Variants in ZNF573 observed in about 807,000 individuals in gnomAD.
ZNF573 encodes the protein zinc finger protein 573.
Under a neutral mutation model 57.4 loss-of-function variants are expected in ZNF573, and 41 were observed. The ratio of observed to expected loss-of-function variants is 0.71; its 90% confidence interval spans 0.56 to 0.93. The LOEUF is 0.93. Ranked by LOEUF, ZNF573 falls within the 40% of genes least tolerant of loss-of-function variation. The probability of loss-of-function intolerance (pLI) is 0.00; values close to 1 mark genes in which losing one functional copy is unlikely to be tolerated. For missense variants in ZNF573, 730 were observed against 794.8 expected, an observed-to-expected ratio of 0.92 and a Z score of 0.98; for synonymous variants, 249 against 261.0, an observed-to-expected ratio of 0.95 and a Z score of 0.44.
intron 1 of ZNF573, among the ~76,000 whole-genome samples, chr19:37,778,928 C>T (rs1431995184): frequency 6.6e-6 from 1 of 152,150 alleles, no homozygotes; most frequent in East Asian, 1.9e-4. Context: ...AGGTAGCTCG[C>T]TCTCAGAGCT....
chr19:37,748,220 C>T (rs1220705183), intron 4 of ZNF573, among the ~76,000 whole-genome samples: 2 of 152,196 alleles, frequency 1.3e-5, no homozygotes, highest in South Asian at 4.1e-4. Flanking sequence ...TATGGAAAAA[C>T]TGGTGAAATC....
At chr19:37,773,480 T>C (rs2045677663) in intron 2 of ZNF573, among the ~76,000 whole-genome samples, 181 bp downstream of exon 2, 1 of 152,210 alleles carries the variant, frequency 6.6e-6, no homozygotes, top group Admixed American at 6.5e-5. Context: ...AATATAAAAG[T>C]GGACAGAAAA....
At chr19:37,763,288 G>C (rs1457815359) in intron 4 of ZNF573, among the ~76,000 whole-genome samples, 4 of 151,572 alleles carry the variant, frequency 2.6e-5, no homozygotes, top group Admixed American at 2.6e-4. Context: ...CTTAGGTTAA[G>C]AGTAAATATC....
At chr19:37,768,022 C>T (rs1279113784) in intron 4 of ZNF573, among the ~76,000 whole-genome samples, 3 of 152,050 alleles carry the variant, frequency 2.0e-5, no homozygotes, top group African/African-American at 7.2e-5. Context: ...TTTAGAAATA[C>T]TGCTTGGAGG....
At chr19:37,746,061 AG>A (rs1357652547) in intron 4 of ZNF573, among the ~76,000 whole-genome samples, 5 of 152,344 alleles carry the variant, frequency 3.3e-5, no homozygotes, top group Non-Finnish European at 7.3e-5. Context: ...TAGAGTATGT[AG>A]TCTGACCACA....
Position 37,739,121 on chromosome 19 carries a change from G to A in ZNF573, c.1369C>T (p.Leu457Phe). The A allele has an allele frequency of 6.2e-7, 1 of 1,613,552 alleles. No individual in the cohort carries two copies. Among genetic ancestry groups the A allele is most frequent in the Non-Finnish European group, 8.5e-7 (1 of 1,179,880 alleles). Residue 457 changes from leucine to phenylalanine, a missense_variant, in exon 5 of 5, where the codon CTT (leucine) becomes TTT (phenylalanine). Physicochemically the swap from Leu to Phe is conservative, Grantham distance 22. Transcript: ENST00000536220. Reference sequence around the variant, plus strand: ...GTGTGAATATTCTGATGTCGAGTAAGATTTCTATACAAAGTAAAGGTTTTT... The same window carrying A: ...GTGTGAATATTCTGATGTCGAGTAAAATTTCTATACAAAGTAAAGGTTTTT... ...CKKTFTLYRNLTRHQNIHTGK... is the reference protein window; with the variant it reads ...CKKTFTLYRNFTRHQNIHTGK...
intron 2 of ZNF573, among the ~76,000 whole-genome samples, chr19:37,772,683 G>A (rs1049657422): frequency 6.6e-6 from 1 of 151,042 alleles, no homozygotes; most frequent in African/African-American, 2.4e-5. Flanking sequence ...GCCCAGGCTG[G>A]AGTGCAGTGA....
chr19:37,758,202 AATATATATATATATATAT>A (rs550290940), intron 4 of ZNF573, among the ~76,000 whole-genome samples: 61 of 17,164 alleles, frequency 3.6e-3, no homozygotes, highest in African/African-American at 8.2e-3. Flanking sequence ...AGTATAATAA[AATATATATATATATATAT>A]ATATATATAT....
At chr19:37,761,661 G>A (rs760882633) in intron 4 of ZNF573, among the ~76,000 whole-genome samples, 1 of 152,194 alleles carries the variant, frequency 6.6e-6, no homozygotes, top group Non-Finnish European at 1.5e-5. Flanking sequence ...TGTTCTGAGA[G>A]GCCAAGAAGA....
At chr19:37,743,056 T>A (rs1490052174) in intron 4 of ZNF573, among the ~76,000 whole-genome samples, 1 of 152,094 alleles carries the variant, frequency 6.6e-6, no homozygotes, top group Non-Finnish European at 1.5e-5. Context: ...CGGTGGCTCA[T>A]GCCTGTAATC....
rs903671989 is a variant in ZNF573, at chr19:37,773,742, G to T, written c.-13C>A. On this transcript the variant is annotated 5_prime_UTR_variant, in exon 2 of 5. Coordinates refer to ENST00000536220, the MANE Select transcript of ZNF573 (RefSeq NM_001172690.2). ...ATACTGGAAACATTCAAACTCCAGA[G>T]AATCCAGAGCTGAGAGAAGAAAAGA... 1 of 1,531,998 alleles carries T rather than the reference G, an allele frequency of 6.5e-7. No homozygotes were observed. The allele number at this position is 1,531,998 out of a possible 1,614,324, so 94.9% of individuals were successfully genotyped here.
chr19:37,770,323 C>G (rs920495752), intron 3 of ZNF573: 1 of 395,064 alleles, frequency 2.5e-6, no homozygotes, highest in African/African-American at 2.1e-5. Flanking sequence ...TGTCTCTTTC[C>G]AAATATTACC....
intron 4 of ZNF573, among the ~76,000 whole-genome samples, chr19:37,740,895 C>T (rs1324704359): frequency 1.3e-5 from 2 of 152,168 alleles, no homozygotes; most frequent in African/African-American, 4.8e-5. Context: ...ACTTACAATA[C>T]CCAATACAAT....
intron 4 of ZNF573, among the ~76,000 whole-genome samples, chr19:37,758,205 ATATATATATATATATATATATATATAT>A (rs2045512199): frequency 0.012 from 428 of 36,036 alleles, 59 homozygotes; most frequent in African/African-American, 0.041. Flanking sequence ...ATAATAAAAT[ATATATATATATATATATATATATATAT>A]ATATATATAT....
In ZNF573 at chr19:37,764,607, C is replaced by CT. The variant is rs559596334; in HGVS notation, c.295+5397dup. On this transcript the variant is annotated intron_variant, in intron 4 of 4. Coordinates refer to ENST00000536220, the MANE Select transcript of ZNF573 (RefSeq NM_001172690.2). Reference sequence around the variant, plus strand: ...GTGCTGGCATTACAGGCATGAGTCACTTTTTTTTTTTTTTGAGACGGTGTC... The same window carrying CT: ...GTGCTGGCATTACAGGCATGAGTCACTTTTTTTTTTTTTTTGAGACGGTGTC... Among the ~76,000 whole-genome samples the CT allele has an allele frequency of 9.8e-3, 1,359 of 138,416 alleles. 20 individuals are homozygous for CT. The highest frequency in any genetic ancestry group is 0.029 in the African/African-American group (1,093 of 37,594). 90.8% of individuals were successfully genotyped at this position (138,416 alleles called of 152,430 possible).
chr19:37,764,353 G>A (rs1335424293), intron 4 of ZNF573, among the ~76,000 whole-genome samples: 5 of 145,328 alleles, frequency 3.4e-5, no homozygotes, highest in Admixed American at 7.1e-5. Context: ...ACGGAGTGTC[G>A]CTCTGTCACC....
chr19:37,770,200 A>C, intron 3 of ZNF573, 103 bp from the exon 4 acceptor site: 1 of 857,970 alleles, frequency 1.2e-6, no homozygotes, highest in Non-Finnish European at 1.8e-6. Context: ...CTTCAAATAA[A>C]AGAGGGGTGA....
intron 4 of ZNF573, among the ~76,000 whole-genome samples, chr19:37,745,689 C>T (rs1336541378): frequency 2.0e-5 from 3 of 152,220 alleles, no homozygotes; most frequent in Non-Finnish European, 4.4e-5. Context: ...AGCCACCACA[C>T]TTGGCAAGAT....
At chr19:37,773,344 T>C (rs1178019997) in intron 2 of ZNF573, among the ~76,000 whole-genome samples, 1 of 152,202 alleles carries the variant, frequency 6.6e-6, no homozygotes, top group African/African-American at 2.4e-5. Context: ...ACATCTCTAA[T>C]TCACCAAACT....
Sources: allele counts gnomAD v4.1 joint callset (sites outside exome capture counted in the v4.1 genomes callset), GRCh38; gene constraint gnomAD v4.1.1; transcripts MANE v1.5; gene names NCBI Gene and HGNC (gene_info 2026-07-23, HGNC 2026-07-21).